The following RGPD4 variants were observed in gnomAD, a reference collection of about 807,000 sequenced individuals.
RGPD4 encodes the protein RANBP2 like and GRIP domain containing 4.
In RGPD4, 84 loss-of-function variants were observed where a neutral mutation model predicts 141.1. The observed-to-expected ratio is 0.60, with a 90% CI of 0.50 to 0.71. The LOEUF (loss-of-function observed/expected upper bound fraction) is 0.71. RGPD4 is among the 30% of genes least tolerant of loss of function. The probability of loss-of-function intolerance (pLI) is 0.00; values close to 1 mark genes in which losing one functional copy is unlikely to be tolerated. For synonymous variants in RGPD4, 298 were observed against 566.8 expected, an observed-to-expected ratio of 0.53 and a Z score of 6.74; for missense variants, 918 against 1,622.4, an observed-to-expected ratio of 0.57 and a Z score of 7.46.
chr2:107,856,093 G>A (rs1179777825), intron 8 of RGPD4, among the ~76,000 whole-genome samples: 7 of 124,768 alleles, frequency 5.6e-5, no homozygotes, highest in South Asian at 2.6e-4. Context: ...TTACTCTGTC[G>A]CCCGGGCTGG....
chr2:107,884,155 G>A (rs1675443246), intron 22 of RGPD4, among the ~76,000 whole-genome samples: 1 of 151,856 alleles, frequency 6.6e-6, no homozygotes, highest in Admixed American at 6.6e-5. Flanking sequence ...CTGTCACCCT[G>A]GCTGGAGTGC....
rs1341039377 is a variant in RGPD4, at chr2:107,871,906, G to A, written c.3902G>A (p.Ser1301Asn). 2 of 1,611,574 alleles carry A rather than the reference G, an allele frequency of 1.2e-6. No homozygotes were observed. Among genetic ancestry groups the A allele is most frequent in the Non-Finnish European group, 1.7e-6 (2 of 1,179,854 alleles). ...AACTTCAGTTTTAAATCTGCTTTGA[G>A]TCCATCTAAGTCTCCTGCCAAGTTG... ...GSNFSFKSAL[S>N]PSKSPAKLNQ... Residue 1301 changes from serine to asparagine, a missense_variant, in exon 20 of 23, where the codon AGT (serine) becomes AAT (asparagine). Transcript: ENST00000408999.
At position 107,826,892 on chromosome 2, in the gene RGPD4, A is replaced by G. The variant is rs894812546; in HGVS notation, c.-122A>G. 28 of 1,540,010 alleles carry G rather than the reference A, an allele frequency of 1.8e-5. No homozygotes were observed. In the African/African-American group the frequency reaches 3.5e-4, roughly 19 times the overall value. On this transcript the variant is annotated 5_prime_UTR_variant, in exon 1 of 23. Transcript: ENST00000408999. ...TGTTGACGCAGGACACAAGTTCGTCACAGTGGTCCTCCGCCGGCTACGCGG... is the reference window on the plus strand; with the variant it reads ...TGTTGACGCAGGACACAAGTTCGTCGCAGTGGTCCTCCGCCGGCTACGCGG...
intron 1 of RGPD4, among the ~76,000 whole-genome samples, chr2:107,829,899 TGCTGCGGCGGAG>T (rs1681414477): frequency 6.6e-6 from 1 of 151,940 alleles, no homozygotes; most frequent in Non-Finnish European, 1.5e-5. Flanking sequence ...TTACTTTATA[TGCTGCGGCGGAG>T]GTCGTACCTC....
chr2:107,890,773 T>A lies in RGPD4; in HGVS notation c.*42T>A. The stretch of plus-strand genomic sequence containing the variant: ...CTGGATGGGCATCCTATCTTCGTAG[T>A]TGGTTTGGACTTCGATAGGTTGATG... On this transcript the variant is annotated 3_prime_UTR_variant, in exon 23 of 23. Transcript: ENST00000408999. The A allele has an allele frequency of 6.2e-7, 1 of 1,602,700 alleles. No homozygotes were observed. The highest frequency in any genetic ancestry group is 8.5e-7 in the Non-Finnish European group (1 of 1,176,074).
intron 22 of RGPD4, among the ~76,000 whole-genome samples, chr2:107,885,685 A>T: frequency 6.6e-6 from 1 of 152,304 alleles, no homozygotes; most frequent in Non-Finnish European, 1.5e-5. Context: ...TGAGTACATA[A>T]AAGAGACCTT....
rs192552675 is a variant in RGPD4 at position 107,859,603 on chromosome 2, C to G, written c.1634+49C>G. ...GCTTTCACTTAGTGCGTAGGTTTTA[C>G]CAGGGATTTAATCCTCATGTGAAGA... is the stretch of plus-strand genomic sequence containing the variant. On this transcript the variant is annotated intron_variant, in intron 11 of 22. Transcript: ENST00000408999. 1.2e-4 allele frequency: 195 copies of G among 1,611,418 alleles called. 4 individuals are homozygous for G. The East Asian group carries it at 3.0e-3, about 25-fold the overall frequency.
intron 6 of RGPD4, among the ~76,000 whole-genome samples, chr2:107,844,734 C>G (rs1177861479): frequency 6.7e-5 from 8 of 119,828 alleles, no homozygotes; most frequent in Non-Finnish European, 1.3e-4. Context: ...TTTGTATACT[C>G]AAATTTTTTG....
At chr2:107,856,106 T>G (rs201881847) in intron 8 of RGPD4, among the ~76,000 whole-genome samples, 60,800 of 109,828 alleles carry the variant, frequency 0.55, 12,439 homozygotes, top group Non-Finnish European at 0.59. Flanking sequence ...CGGGCTGGAG[T>G]GCAGTGGCGT....
At position 107,877,800 on chromosome 2, in the gene RGPD4, G is replaced by T. The variant is rs557926490; in HGVS notation, c.4925-2168G>T. ...TGACTAACGTAGTTAAAAGTTTGAT[G>T]ACTAAGGTTTTTTTTGTTTGTTTTT... On this transcript the variant is annotated intron_variant, in intron 20 of 22. Transcript: ENST00000408999. Among the ~76,000 whole-genome samples, 41 of 151,884 alleles carry T rather than the reference G, an allele frequency of 2.7e-4. 2 individuals are homozygous for T. The highest frequency in any genetic ancestry group is 9.5e-4 in the African/African-American group (39 of 41,172).
chr2:107,874,877 T>C (rs1683045260), intron 20 of RGPD4, among the ~76,000 whole-genome samples: 1 of 151,382 alleles, frequency 6.6e-6, no homozygotes, highest in Non-Finnish European at 1.5e-5. Context: ...TTATTTCTCC[T>C]AGCTAGGAAA....
chr2:107,880,011 T>C lies in RGPD4; in HGVS notation c.4968T>C (p.Val1656=), dbSNP rs750987270. Residue 1656 remains valine, a synonymous_variant, in exon 21 of 23, where the codon GTT becomes GTC. Transcript: ENST00000408999. The part of the protein sequence containing the change: ...WHAEFTKEEL[V]QKLSSTTKSA... The stretch of plus-strand genomic sequence containing the variant: ...CTGAATTTACCAAAGAAGAATTGGT[T>C]CAGAAGCTCAGTTCCACCACAAAAA... The C allele has an allele frequency of 1.9e-6, 3 of 1,611,300 alleles. No individual in the cohort carries two copies. In the African/African-American group the frequency reaches 4.0e-5, roughly 22 times the overall value.
intron 20 of RGPD4, among the ~76,000 whole-genome samples, chr2:107,878,289 TA>T (rs1181482658): frequency 6.6e-6 from 1 of 151,620 alleles, no homozygotes; most frequent in Non-Finnish European, 1.5e-5. Flanking sequence ...AAAAATCTAA[TA>T]GGCCCAGTTT....
At chr2:107,877,156 A>G (rs1435999457) in intron 20 of RGPD4, among the ~76,000 whole-genome samples, 2 of 151,604 alleles carry the variant, frequency 1.3e-5, no homozygotes, top group African/African-American at 4.9e-5. Context: ...GGTGGATCAC[A>G]TGAGGCCAGG....
intron 1 of RGPD4, among the ~76,000 whole-genome samples, chr2:107,831,792 C>T (rs1573461954): frequency 1.4e-5 from 2 of 146,208 alleles, no homozygotes; most frequent in East Asian, 4.0e-4. Flanking sequence ...AGGATAGTCT[C>T]GATCTCCTGA....
At chr2:107,873,806 G>A (rs959381451) in intron 20 of RGPD4, among the ~76,000 whole-genome samples, 99 of 150,664 alleles carry the variant, frequency 6.6e-4, no homozygotes, top group Non-Finnish European at 1.2e-3. Context: ...TATTTTCTAG[G>A]ATTTAATTTT....
intron 8 of RGPD4, among the ~76,000 whole-genome samples, chr2:107,855,533 G>A (rs889856821): frequency 4.0e-5 from 6 of 151,878 alleles, no homozygotes; most frequent in Non-Finnish European, 8.8e-5. Flanking sequence ...TTTGATCTGG[G>A]CATCCCGAGG....
At chr2:107,846,149 A>G (rs1681934534) in intron 6 of RGPD4, among the ~76,000 whole-genome samples, 1 of 146,928 alleles carries the variant, frequency 6.8e-6, no homozygotes, top group Non-Finnish European at 1.5e-5. Flanking sequence ...GATGGTCTTG[A>G]TATCCTGACC....
intron 9 of RGPD4, among the ~76,000 whole-genome samples, chr2:107,858,380 C>T (rs1419355993): frequency 1.2e-4 from 18 of 152,236 alleles, no homozygotes; most frequent in South Asian, 2.1e-4. Flanking sequence ...CCTCTTCATG[C>T]TTCCAGAAGC....
Sources: gnomAD v4.1 joint callset for allele counts (sites outside exome capture counted in the v4.1 genomes callset) on GRCh38, gnomAD v4.1.1 for gene constraint, MANE v1.5 for transcripts, NCBI Gene and HGNC (gene_info 2026-07-23, HGNC 2026-07-21) for gene names.